The following FRYL variants were observed in gnomAD, a reference collection of about 807,000 sequenced individuals.
The protein encoded by FRYL is FRY like transcription coactivator.
In FRYL, 150 loss-of-function variants were observed where a neutral mutation model predicts 351.2. The observed-to-expected ratio is 0.43, with a 90% CI of 0.37 to 0.49. The LOEUF (loss-of-function observed/expected upper bound fraction) is 0.49, where lower values mean the gene tolerates loss of function less well. Ranked by LOEUF, FRYL falls within the 20% of genes least tolerant of loss-of-function variation. FRYL has a pLI of 0.00. For missense variants in FRYL, 3,036 were observed against 3,619.3 expected (o/e 0.84, Z 4.13); for synonymous variants, 1,153 against 1,257.1 (o/e 0.92, Z 1.75).
chr4:48,667,531 A>G (rs1761937972), intron 3 of FRYL, among the ~76,000 whole-genome samples: 1 of 152,104 alleles, frequency 6.6e-6, no homozygotes, highest in Non-Finnish European at 1.5e-5. Flanking sequence ...TAAGCAATAT[A>G]GTAGGATCTC....
At chr4:48,749,606 T>C (rs1225511087) in intron 1 of FRYL, among the ~76,000 whole-genome samples, 4 of 152,108 alleles carry the variant, frequency 2.6e-5, no homozygotes, top group African/African-American at 7.2e-5. Context: ...GTTAGTGATA[T>C]ACCCACTCAT....
Position 48,506,615 on chromosome 4 carries a change from AATATATATATATATATATATATAT to A in FRYL, c.8395-1024_8395-1001del, listed in dbSNP as rs55736457. 4.2e-3 allele frequency: 300 copies of A among 71,758 alleles called. 2 individuals are homozygous for A. Among genetic ancestry groups the A allele is most frequent in the African/African-American group, 7.5e-3 (81 of 10,858 alleles). The allele number at this position is 71,758 out of a possible 1,614,324, so 4.4% of individuals were successfully genotyped here. A position where few individuals can be genotyped will look rare whatever the true frequency, so the allele number is the denominator to read the frequency against. ...AATTATACTATTAAACAATACAACT[AATATATATATATATATATATATAT>A]ATATATATATATATATATATATATA... On this transcript the variant is annotated intron_variant, in intron 59 of 63. Coordinates refer to ENST00000358350, the MANE Select transcript of FRYL (RefSeq NM_015030.2).
At chr4:48,580,508 C>T (rs1227280017) in intron 22 of FRYL, 2 of 224,868 alleles carry the variant, frequency 8.9e-6, no homozygotes, top group African/African-American at 4.5e-5. Flanking sequence ...TGAGTATCAC[C>T]ATTTTTTTCC....
At chr4:48,606,746 C>A (rs944881747) in intron 9 of FRYL, 140 bp from the exon 10 acceptor site, 2 of 543,442 alleles carry the variant, frequency 3.7e-6, no homozygotes, top group Middle Eastern at 5.4e-4. Flanking sequence ...CAGAAAGGCA[C>A]ACAGAGGAAA....
rs1737006541 is a variant in FRYL, at chr4:48,567,328, T to C, written c.3089A>G (p.Asn1030Ser). Residue 1030 changes from asparagine (N) to serine (S), a missense_variant, in exon 28 of 64, where the codon AAT (asparagine) becomes AGT (serine). Physicochemically the swap from Asn to Ser is conservative, Grantham distance 46. This residue lies in a region of FRYL where 492 missense variants were observed against 551.5 expected (regional missense o/e 0.89). Transcript: ENST00000358350. The surrounding 1 kb of genome is among the most constrained non-coding windows in gnomAD (Gnocchi z 4.2). The part of the protein sequence containing the change: ...DLTRQLLEAE[N>S]EKDSDTLKDI... ...CTTCAGTGTGTCAGAGTCTTTTTCA[T>C]TTTCTGCTTCCAGGAGTTGTCTAGT... 1 of 1,613,048 alleles carries C rather than the reference T, an allele frequency of 6.2e-7. No individual in the cohort carries two copies. The highest frequency in any genetic ancestry group is 1.1e-5 in the South Asian group (1 of 90,900).
At chr4:48,695,361 C>G (rs149906571) in intron 2 of FRYL, among the ~76,000 whole-genome samples, 215 of 152,214 alleles carry the variant, frequency 1.4e-3, no homozygotes, top group Non-Finnish European at 2.5e-3. Context: ...GCAAACTACG[C>G]ATATATGTAA....
intron 3 of FRYL, among the ~76,000 whole-genome samples, chr4:48,664,763 T>G (rs1420127366): frequency 1.3e-5 from 2 of 152,152 alleles, no homozygotes; most frequent in African/African-American, 2.4e-5. Flanking sequence ...ACTTAATGAA[T>G]TCAGCTGAAC....
In FRYL at chr4:48,710,667, C is replaced by G. The variant is rs146901351; in HGVS notation, c.-352G>C. On this transcript the variant is annotated 5_prime_UTR_variant, in exon 2 of 64. Transcript: ENST00000358350. ...TACAAAGCAGTAGTGAGTGAGTCACCGTGTGTGAAGCAGAATATGGAATGT... is the reference window on the plus strand; with the variant it reads ...TACAAAGCAGTAGTGAGTGAGTCACGGTGTGTGAAGCAGAATATGGAATGT... The G allele has an allele frequency of 7.5e-6, 3 of 398,104 alleles. No individual in the cohort carries two copies. The East Asian group carries it at 1.1e-4, about 14-fold the overall frequency. 24.7% of individuals were successfully genotyped at this position (398,104 alleles called of 1,614,324 possible).
chr4:48,515,597 C>T (rs539115843), intron 55 of FRYL, among the ~76,000 whole-genome samples: 1 of 152,180 alleles, frequency 6.6e-6, no homozygotes, highest in East Asian at 1.9e-4. Context: ...TGGTCTCGAT[C>T]TCTTGACCTT....
chr4:48,602,040 T>C lies in FRYL; in HGVS notation c.1015A>G (p.Asn339Asp). Residue 339 changes from asparagine to aspartate, a missense_variant, in exon 13 of 64, where the codon AAC (asparagine) becomes GAC (aspartate). Coordinates refer to ENST00000358350, the MANE Select transcript of FRYL (RefSeq NM_015030.2). ...CTTACCTTTAAATGTGACAAACAGTTCTGTAGGAAAATATGCCAGTTATTT... is the reference window on the plus strand; with the variant it reads ...CTTACCTTTAAATGTGACAAACAGTCCTGTAGGAAAATATGCCAGTTATTT... The part of the protein sequence containing the change: ...FLNNWHIFLQ[N>D]CLSHLKNKDP... The C allele has an allele frequency of 6.3e-7, 1 of 1,584,208 alleles. No individual in the cohort carries two copies. Among genetic ancestry groups the C allele is most frequent in the Non-Finnish European group, 8.7e-7 (1 of 1,153,806 alleles).
At chr4:48,578,739 GTTA>G (rs1740232145) in intron 23 of FRYL, among the ~76,000 whole-genome samples, 1 of 152,162 alleles carries the variant, frequency 6.6e-6, no homozygotes, top group Non-Finnish European at 1.5e-5. Context: ...CAAGTACAGT[GTTA>G]TTAAGTAAAT....
intron 1 of FRYL, among the ~76,000 whole-genome samples, chr4:48,773,950 T>C (rs1775764626): frequency 6.6e-6 from 1 of 152,182 alleles, no homozygotes; most frequent in Admixed American, 6.5e-5. Flanking sequence ...TAAGTACCTT[T>C]CTAAACTTGG....
At chr4:48,761,732 C>G (rs895656031) in intron 1 of FRYL, among the ~76,000 whole-genome samples, 5 of 152,100 alleles carry the variant, frequency 3.3e-5, no homozygotes, top group African/African-American at 1.2e-4. Context: ...TTACAATTGC[C>G]TACAATGTTC....
chr4:48,589,671 C>G lies in FRYL; in HGVS notation c.1640+74G>C, dbSNP rs994720986. The G allele has an allele frequency of 1.1e-5, 16 of 1,399,044 alleles. No homozygotes were observed. The African/African-American group carries it at 2.3e-4, about 20-fold the overall frequency. The allele number at this position is 1,399,044 out of a possible 1,614,324, so 86.7% of individuals were successfully genotyped here. A position where few individuals can be genotyped will look rare whatever the true frequency, so the allele number is the denominator to read the frequency against. ...GAACTCCAAAGACCAAGTAAGGAGA[C>G]AGGTAAGCAAGAACCATCCACACTG... is the stretch of plus-strand genomic sequence containing the variant. On this transcript the variant is annotated intron_variant, in intron 18 of 63. Transcript: ENST00000358350.
At chr4:48,571,045 G>T in intron 26 of FRYL, 127 bp from the exon 27 acceptor site, 1 of 613,324 alleles carries the variant, frequency 1.6e-6, no homozygotes. Context: ...GTAGACTGTG[G>T]GTACTCTGGT....
chr4:48,570,952 C>G (rs1468864283), intron 26 of FRYL, 34 bp from the exon 27 acceptor site: 1 of 1,512,788 alleles, frequency 6.6e-7, no homozygotes, highest in South Asian at 1.1e-5. Context: ...TAATTAAAAT[C>G]CTGCTGGTGT....
chr4:48,598,125 T>C (rs1744982137), intron 13 of FRYL, among the ~76,000 whole-genome samples: 1 of 152,188 alleles, frequency 6.6e-6, no homozygotes, highest in African/African-American at 2.4e-5. Flanking sequence ...AAGCCAGGCA[T>C]GGTGGTGCAT....
intron 3 of FRYL, among the ~76,000 whole-genome samples, chr4:48,663,796 A>G (rs1329884932): frequency 2.7e-5 from 4 of 150,876 alleles, no homozygotes; most frequent in Admixed American, 1.3e-4. Flanking sequence ...AAAAAAAAAA[A>G]AGAGATCCCC....
At chr4:48,569,687 T>C (rs1295416442) in intron 27 of FRYL, among the ~76,000 whole-genome samples, 3 of 152,218 alleles carry the variant, frequency 2.0e-5, no homozygotes, top group African/African-American at 4.8e-5. Flanking sequence ...TTGAAAGTAT[T>C]TGTCAAAAGC....
Sources: gnomAD v4.1 joint callset for allele counts (sites outside exome capture counted in the v4.1 genomes callset) on GRCh38, gnomAD v4.1.1 for gene constraint, gnomAD v4.1.1 regional missense constraint, Gnocchi (gnomAD v3.1) non-coding constraint, MANE v1.5 for transcripts, NCBI Gene and HGNC (gene_info 2026-07-23, HGNC 2026-07-21) for gene names.